EEF1AKMT2: variants seen among roughly 807,000 people sequenced by gnomAD.
EEF1AKMT2 encodes the protein EEF1A lysine methyltransferase 2.
In EEF1AKMT2, 32 loss-of-function variants were observed where a neutral mutation model predicts 35.8. That is an observed-to-expected ratio of 0.89 (90% confidence interval 0.67 to 1.20). EEF1AKMT2 has a LOEUF of 1.20. Ranked by LOEUF, EEF1AKMT2 falls within the 50% of genes most tolerant of loss-of-function variation. The pLI is 0.00. For missense variants in EEF1AKMT2, 330 were observed against 347.5 expected, an observed-to-expected ratio of 0.95 and a Z score of 0.40; for synonymous variants, 121 against 133.7, an observed-to-expected ratio of 0.91 and a Z score of 0.65.
intron 4 of EEF1AKMT2, among the ~76,000 whole-genome samples, chr10:124,771,782 T>C (rs1248150486): frequency 2.0e-5 from 3 of 151,960 alleles, no homozygotes; most frequent in African/African-American, 4.8e-5. Flanking sequence ...GGCAGGAGAA[T>C]GGCATGAACC....
chr10:124,770,558 G>T (rs554394986), intron 4 of EEF1AKMT2, among the ~76,000 whole-genome samples: 1 of 152,174 alleles, frequency 6.6e-6, no homozygotes, highest in Admixed American at 6.6e-5. Flanking sequence ...GTTGCTGAAG[G>T]CTGGGGTAGC....
chr10:124,781,102 C>T (rs969855870), intron 3 of EEF1AKMT2, among the ~76,000 whole-genome samples: 6 of 151,920 alleles, frequency 3.9e-5, no homozygotes, highest in African/African-American at 9.7e-5. Context: ...CATGCCACCA[C>T]GCCCGGCTAA....
At position 124,791,779 on chromosome 10, in the gene EEF1AKMT2, T is replaced by G. The variant is rs1283584797; in HGVS notation, c.55A>C (p.Lys19Gln). The G allele has an allele frequency of 1.3e-6, 2 of 1,594,622 alleles. No homozygotes were observed. Among genetic ancestry groups the G allele is most frequent in the Non-Finnish European group, 1.7e-6 (2 of 1,174,898 alleles). Reference sequence around the variant, plus strand: ...AAACCGTCCTCCCCGGGACTGCCCTTGTCCGACCGCGCCGCCACCGCAGCG... The same window carrying G: ...AAACCGTCCTCCCCGGGACTGCCCTGGTCCGACCGCGCCGCCACCGCAGCG... ...GGAAVAARSD[K>Q]GSPGEDGFVP... Residue 19 changes from lysine (K) to glutamine (Q), a missense_variant, in exon 1 of 7, where the codon AAG (lysine) becomes CAG (glutamine). Lys to Gln is a moderately conservative substitution (Grantham distance 53). Transcript: ENST00000368836.
At chr10:124,789,206 A>G (rs943728446) in intron 2 of EEF1AKMT2, 49 bp from the exon 3 acceptor site, 1 of 1,236,066 alleles carries the variant, frequency 8.1e-7, no homozygotes, top group African/African-American at 1.5e-5. Flanking sequence ...AGCAAAAGTC[A>G]CCACTATATT....
At chr10:124,769,242 A>ATG (rs1950407538) in intron 4 of EEF1AKMT2, among the ~76,000 whole-genome samples, 1 of 28,726 alleles carries the variant, frequency 3.5e-5, no homozygotes, top group Non-Finnish European at 1.4e-4. Context: ...AAATATATAT[A>ATG]TATATATGTG....
chr10:124,764,748 C>T (rs796204945), intron 5 of EEF1AKMT2, among the ~76,000 whole-genome samples: 2 of 152,282 alleles, frequency 1.3e-5, no homozygotes, highest in East Asian at 1.9e-4. Context: ...GCATGTAAGA[C>T]GGAAGTACTT....
intron 3 of EEF1AKMT2, among the ~76,000 whole-genome samples, chr10:124,784,324 A>T (rs1950566589): frequency 6.6e-6 from 1 of 152,202 alleles, no homozygotes; most frequent in African/African-American, 2.4e-5. Context: ...AATTAAACAA[A>T]TTTCTAAATA....
chr10:124,785,299 T>TAAACAAAA (rs1950575623), intron 3 of EEF1AKMT2, among the ~76,000 whole-genome samples: 1 of 148,050 alleles, frequency 6.8e-6, no homozygotes. Flanking sequence ...GTTAAAACTT[T>TAAACAAAA]AAACAAAAAC....
intron 3 of EEF1AKMT2, among the ~76,000 whole-genome samples, chr10:124,781,752 G>GA (rs796413174): frequency 3.0e-4 from 38 of 126,796 alleles, no homozygotes; most frequent in Middle Eastern, 4.0e-3. Flanking sequence ...TAGACAGAAA[G>GA]AAAAAAAAAA....
At chr10:124,783,372 G>A (rs1044033191) in intron 3 of EEF1AKMT2, among the ~76,000 whole-genome samples, 1 of 152,062 alleles carries the variant, frequency 6.6e-6, no homozygotes, top group Non-Finnish European at 1.5e-5. Flanking sequence ...TCAAACTGCT[G>A]ACCTCAAGTG....
intron 4 of EEF1AKMT2, among the ~76,000 whole-genome samples, chr10:124,772,750 C>T (rs1462368811): frequency 6.6e-6 from 1 of 152,126 alleles, no homozygotes; most frequent in East Asian, 1.9e-4. Flanking sequence ...GTTCTTAAAT[C>T]TCATGAACTA....
In EEF1AKMT2 at chr10:124,774,374, CAAAAAAAAAAAAAAAAA is replaced by C. The variant is rs57130146; in HGVS notation, c.399+284_399+300del. ...TGGGCAACTGAGCGAGACTCAGTCT[CAAAAAAAAAAAAAAAAA>C]AAAAAAAAAAAAAAAAAAACCCTTT... On this transcript the variant is annotated intron_variant, in intron 4 of 6. Coordinates refer to ENST00000368836, the MANE Select transcript of EEF1AKMT2 (RefSeq NM_212554.4). Among the ~76,000 whole-genome samples, 21 of 21,710 alleles carry C rather than the reference CAAAAAAAAAAAAAAAAA, an allele frequency of 9.7e-4. No homozygotes were observed. In the Admixed American group the frequency reaches 0.013, roughly 14 times the overall value. 14.2% of individuals were successfully genotyped at this position (21,710 alleles called of 152,430 possible). A position where few individuals can be genotyped will look rare whatever the true frequency, so the allele number is the denominator to read the frequency against.
At chr10:124,786,851 C>T (rs1464911131) in intron 3 of EEF1AKMT2, among the ~76,000 whole-genome samples, 1 of 151,932 alleles carries the variant, frequency 6.6e-6, no homozygotes, top group Non-Finnish European at 1.5e-5. Context: ...AATCTACAAG[C>T]TATTAATCTC....
chr10:124,763,560 ATAAT>A (rs1434555985), intron 5 of EEF1AKMT2, among the ~76,000 whole-genome samples: 3 of 152,318 alleles, frequency 2.0e-5, no homozygotes, highest in East Asian at 3.9e-4. Flanking sequence ...TCAATTGTAT[ATAAT>A]TATTTATATA....
chr10:124,774,196 T>C (rs1259013932), intron 4 of EEF1AKMT2, among the ~76,000 whole-genome samples: 1 of 151,420 alleles, frequency 6.6e-6, no homozygotes, highest in African/African-American at 2.4e-5. Flanking sequence ...TGAAACCCCA[T>C]CTCTACTAAA....
intron 3 of EEF1AKMT2, among the ~76,000 whole-genome samples, chr10:124,777,390 A>G (rs1203269777): frequency 1.3e-5 from 2 of 152,088 alleles, no homozygotes; most frequent in Non-Finnish European, 2.9e-5. Flanking sequence ...AAAAACCTAA[A>G]TGGTAGAGCC....
rs1950371687 is a variant in EEF1AKMT2 at position 124,765,531 on chromosome 10, T to A, written c.477A>T (p.Ile159=). ...ICIDKGTFDA[I]SLNPDNAIEK... ...CAATTGCATTGTCAGGATTAAGGCT[T>A]ATGGCATCAAAAGTCCCTTTGTCAA... Residue 159 remains isoleucine, a synonymous_variant, in exon 5 of 7, where the codon ATA becomes ATT. Transcript: ENST00000368836. 6.2e-7 allele frequency: 1 copy of A among 1,613,980 alleles called. No homozygotes were observed. The highest frequency in any genetic ancestry group is 8.5e-7 in the Non-Finnish European group (1 of 1,179,938).
intron 6 of EEF1AKMT2, 143 bp from the exon 7 acceptor site, chr10:124,760,646 G>A: frequency 1.6e-6 from 1 of 623,632 alleles, no homozygotes; most frequent in Non-Finnish European, 2.7e-6. Flanking sequence ...TTCACTTCAT[G>A]ATTTTTCAAT....
intron 5 of EEF1AKMT2, among the ~76,000 whole-genome samples, chr10:124,764,806 G>C (rs1166591238): frequency 6.6e-6 from 1 of 152,288 alleles, no homozygotes; most frequent in Non-Finnish European, 1.5e-5. Flanking sequence ...GTGCACTGAA[G>C]CCAGAAGCAC....
Sources: allele counts gnomAD v4.1 joint callset (sites outside exome capture counted in the v4.1 genomes callset), GRCh38; gene constraint gnomAD v4.1.1; transcripts MANE v1.5; gene names NCBI Gene and HGNC (gene_info 2026-07-23, HGNC 2026-07-21).